Variants in TKT observed in about 807,000 individuals in gnomAD.
TKT encodes the protein epididymis luminal protein 107.
In TKT, 47 loss-of-function variants were observed where a neutral mutation model predicts 63.9. The observed-to-expected ratio is 0.74, with a 90% CI of 0.58 to 0.94. The LOEUF (loss-of-function observed/expected upper bound fraction) is 0.94. TKT is among the 40% of genes least tolerant of loss of function. The pLI, the probability that TKT is intolerant of heterozygous loss-of-function variation, is 0.00. For synonymous variants in TKT, 338 were observed against 334.1 expected, an observed-to-expected ratio of 1.01 and a Z score of -0.13; for missense variants, 721 against 846.2, an observed-to-expected ratio of 0.85 and a Z score of 1.84.
At chr3:53,253,322 CTTTT>C (rs1477599457) in intron 1 of TKT, among the ~76,000 whole-genome samples, 1 of 151,934 alleles carries the variant, frequency 6.6e-6, no homozygotes, top group Non-Finnish European at 1.5e-5. Context: ...CTCTTTCTTT[CTTTT>C]GAGACACAGT....
At chr3:53,252,933 G>A (rs902000335) in intron 1 of TKT, among the ~76,000 whole-genome samples, 2 of 151,880 alleles carry the variant, frequency 1.3e-5, no homozygotes, top group Admixed American at 6.6e-5. Context: ...TCTGCCTCCC[G>A]GGTTCAAGTG....
intron 7 of TKT, 52 bp from the exon 8 acceptor site, chr3:53,230,673 A>AGAGGGGT (rs1559647584): frequency 6.2e-7 from 1 of 1,601,474 alleles, no homozygotes; most frequent in Non-Finnish European, 8.5e-7. Context: ...GTGAGTGCAC[A>AGAGGGGT]CCTGCAGCCT....
intron 1 of TKT, among the ~76,000 whole-genome samples, chr3:53,251,180 T>TG (rs1160384151): frequency 6.6e-6 from 1 of 152,204 alleles, no homozygotes; most frequent in Non-Finnish European, 1.5e-5. Flanking sequence ...CCCAAAGCTG[T>TG]GGGTCAGAAA....
rs374267669 is a variant in TKT at position 53,230,326 on chromosome 3, T to C, written c.1107+131A>G. ...AAGGTCAGGGGTTAACGCTGGGTCC[T>C]GGCTTTTCTTATAGTCTCCCTGGGC... On this transcript the variant is annotated intron_variant, in intron 8 of 13. Transcript: ENST00000462138. 315 of 1,234,156 alleles carry C rather than the reference T, an allele frequency of 2.6e-4. 6 individuals are homozygous for C. The East Asian group carries it at 5.8e-3, about 23-fold the overall frequency. The allele number at this position is 1,234,156 out of a possible 1,614,324, so 76.5% of individuals were successfully genotyped here. A position where few individuals can be genotyped will look rare whatever the true frequency, so the allele number is the denominator to read the frequency against.
rs781989290 is a variant in TKT, at chr3:53,231,448, A to T, written c.851T>A (p.Ile284Asn). The change falls in exon 7 of 14, where the codon ATC becomes AAC. Residue 284 changes from isoleucine to asparagine, a missense_variant. By Grantham distance (149) the Ile-to-Asn change is moderately radical. Transcript: ENST00000462138. ...IYSQIQSKKK[I>N]LATPPQEDAP... is the part of the protein sequence containing the mutation. ...GTCCTCCTGTGGAGGGGTTGCCAGG[A>T]TCTTCTTTTTGCTCTGGATCTGGCT... 2.5e-6 allele frequency: 4 copies of T among 1,614,100 alleles called. No individual in the cohort carries two copies. The South Asian group carries it at 4.4e-5, about 18-fold the overall frequency.
Position 53,228,075 on chromosome 3 carries a change from A to G in TKT, c.1554T>C (p.Ala518=). ...CCTCACCTTTCTTCAGCAGTTCGGC[A>G]GCGGCCAAGGCCTCGTGCAGGGTCA... The part of the protein sequence containing the change: ...AGVTLHEALA[A]AELLKKEKIN... Residue 518 remains alanine, a synonymous_variant, in exon 12 of 14, where the codon GCT becomes GCC. Transcript: ENST00000462138. The G allele has an allele frequency of 6.2e-7, 1 of 1,612,958 alleles. No individual in the cohort carries two copies. Among genetic ancestry groups the G allele is most frequent in the African/African-American group, 1.3e-5 (1 of 75,040 alleles).
chr3:53,244,939 ACAACCC>A (rs1159298707), intron 1 of TKT, among the ~76,000 whole-genome samples: 11 of 151,818 alleles, frequency 7.2e-5, no homozygotes, highest in African/African-American at 2.4e-4. Context: ...CAGTCCACTT[ACAACCC>A]CAATTAGTTC....
intron 4 of TKT, 71 bp downstream of exon 4, chr3:53,240,180 G>C: frequency 6.9e-7 from 1 of 1,446,664 alleles, no homozygotes; most frequent in Non-Finnish European, 9.6e-7. Flanking sequence ...GGGGGCGATG[G>C]TGAAGGGTGG....
chr3:53,235,203 C>T (rs1553678307), intron 4 of TKT, 29 bp from the exon 5 acceptor site: 3 of 1,581,546 alleles, frequency 1.9e-6, no homozygotes. Context: ...TCAGGCCAGT[C>T]CCTCTCACCT....
At chr3:53,228,479 T>A in intron 10 of TKT, 120 bp from the exon 11 acceptor site, 1 of 1,154,908 alleles carries the variant, frequency 8.7e-7, no homozygotes, top group Non-Finnish European at 1.3e-6. Flanking sequence ...TCCTGGCTAC[T>A]CCAGCAGGGA....
chr3:53,240,783 G>A (rs1216787276), intron 3 of TKT, among the ~76,000 whole-genome samples: 5 of 152,332 alleles, frequency 3.3e-5, no homozygotes, highest in African/African-American at 1.2e-4. Flanking sequence ...CCCTTCCCCA[G>A]GGTTTCGCCA....
chr3:53,233,023 G>T lies in TKT; in HGVS notation c.748+133C>A, dbSNP rs541660498. 7.7e-5 allele frequency: 58 copies of T among 754,490 alleles called. No homozygotes were observed. In the African/African-American group the frequency reaches 8.8e-4, roughly 11 times the overall value. 46.7% of individuals were successfully genotyped at this position (754,490 alleles called of 1,614,324 possible). On this transcript the variant is annotated intron_variant, in intron 6 of 13. Transcript: ENST00000462138. ...GGGTCACTGAGTCACAGCATCTCCC[G>T]CTCCCCTTCCCTGGAGCCTGGTGAG...
chr3:53,226,005 C>T, intron 13 of TKT, 74 bp from the exon 14 acceptor site: 1 of 1,474,870 alleles, frequency 6.8e-7, no homozygotes, highest in Non-Finnish European at 9.2e-7. Context: ...CTCTGTCAGC[C>T]TTAGTCAAGG....
chr3:53,236,311 G>C (rs1208751096), intron 4 of TKT, among the ~76,000 whole-genome samples: 1 of 152,330 alleles, frequency 6.6e-6, no homozygotes, highest in South Asian at 2.1e-4. Context: ...GGGGCAGCAG[G>C]AAGAGGCTGG....
chr3:53,231,290 G>A (rs1438396377), intron 7 of TKT, 67 bp downstream of exon 7: 4 of 1,561,278 alleles, frequency 2.6e-6, no homozygotes, highest in African/African-American at 1.4e-5. Flanking sequence ...TCCAGAGGGT[G>A]TATCTGGGCC....
At chr3:53,228,773 G>GCCA (rs1704613324) in intron 10 of TKT, 1 of 622,912 alleles carries the variant, frequency 1.6e-6, no homozygotes, top group Admixed American at 3.0e-5. Flanking sequence ...GGCCAGGGCT[G>GCCA]CCAGGATTCT....
intron 4 of TKT, among the ~76,000 whole-genome samples, chr3:53,237,387 C>CA (rs1429787530): frequency 8.6e-5 from 13 of 150,682 alleles, no homozygotes; most frequent in African/African-American, 3.2e-4. Context: ...GACTCCATCT[C>CA]AAAAAAACAA....
rs143761478 is a variant in TKT, at chr3:53,243,781, G to A, written c.108-1539C>T. Among the ~76,000 whole-genome samples, 815 of 152,248 alleles carry A rather than the reference G, an allele frequency of 5.4e-3. 33 individuals carry two copies. The highest frequency in any genetic ancestry group is 0.048 in the Admixed American group (734 of 15,292). ...GGAGGTCACCTCAGGCTGACCTCTC[G>A]TCCTTCCCACCTCCAAGGGCAGCCC... On this transcript the variant is annotated intron_variant, in intron 1 of 13. Transcript: ENST00000462138.
At chr3:53,244,808 C>T (rs1257606285) in intron 1 of TKT, among the ~76,000 whole-genome samples, 1 of 148,252 alleles carries the variant, frequency 6.7e-6, no homozygotes, top group African/African-American at 2.5e-5. Flanking sequence ...GTGAGGAGCA[C>T]GGTGGAGGGG....
Sources: gnomAD v4.1 joint callset for allele counts (sites outside exome capture counted in the v4.1 genomes callset) on GRCh38, gnomAD v4.1.1 for gene constraint, MANE v1.5 for transcripts, NCBI Gene and HGNC (gene_info 2026-07-23, HGNC 2026-07-21) for gene names.